Variants in DENND4A observed in about 807,000 individuals in gnomAD.
The protein encoded by DENND4A is DENN domain containing 4A, also known as C-myc promoter-binding protein.
In DENND4A, 70 loss-of-function variants were observed where a neutral mutation model predicts 199.3. The ratio of observed to expected loss-of-function variants is 0.35; its 90% CI spans 0.29 to 0.43. The LOEUF (loss-of-function observed/expected upper bound fraction) is 0.43. Ranked by LOEUF, DENND4A falls within the 20% of genes least tolerant of loss-of-function variation. The pLI is 1.00. For missense variants in DENND4A, 1,723 were observed against 2,255.8 expected, an observed-to-expected ratio of 0.76 and a Z score of 4.78; for synonymous variants, 686 against 766.9, an observed-to-expected ratio of 0.89 and a Z score of 1.74.
intron 16 of DENND4A, 131 bp from the exon 17 acceptor site, chr15:65,702,642 G>A (rs931888190): frequency 2.5e-5 from 23 of 916,236 alleles, no homozygotes; most frequent in African/African-American, 1.4e-4. Flanking sequence ...TAATTAATGC[G>A]TTTTCAAGTT....
intron 24 of DENND4A, 94 bp downstream of exon 24, chr15:65,676,351 A>G (rs1248020414): frequency 9.0e-7 from 1 of 1,116,546 alleles, no homozygotes; most frequent in Non-Finnish European, 1.2e-6. Flanking sequence ...CAAAATTAAA[A>G]AACAACATTA....
At chr15:65,672,284 A>C (rs367948271) in intron 24 of DENND4A, among the ~76,000 whole-genome samples, 1 of 152,286 alleles carries the variant, frequency 6.6e-6, no homozygotes. Context: ...TTTATTTCAA[A>C]TCATGAAAAA....
chr15:65,705,123 A>G (rs2075006518), intron 15 of DENND4A, among the ~76,000 whole-genome samples: 1 of 152,210 alleles, frequency 6.6e-6, no homozygotes, highest in South Asian at 2.1e-4. Flanking sequence ...AAAGTGATAC[A>G]AACATCATCA....
intron 11 of DENND4A, among the ~76,000 whole-genome samples, chr15:65,728,193 G>A (rs1048036616): frequency 6.6e-6 from 1 of 151,988 alleles, no homozygotes; most frequent in African/African-American, 2.4e-5. Context: ...AGTAGAGACA[G>A]GGTTTTACCA....
intron 1 of DENND4A, among the ~76,000 whole-genome samples, chr15:65,777,131 G>A (rs963207776): frequency 1.3e-5 from 2 of 152,070 alleles, no homozygotes; most frequent in Admixed American, 6.5e-5. Context: ...TAGCACCACT[G>A]CACTCCAGCC....
chr15:65,666,032 CA>C (rs1459068435), intron 29 of DENND4A, among the ~76,000 whole-genome samples: 1 of 152,078 alleles, frequency 6.6e-6, no homozygotes, highest in Non-Finnish European at 1.5e-5. Context: ...AACAAAAATC[CA>C]GGGTAAAGGA....
chr15:65,687,008 C>G (rs1222153462), intron 23 of DENND4A, among the ~76,000 whole-genome samples: 1 of 152,170 alleles, frequency 6.6e-6, no homozygotes, highest in South Asian at 2.1e-4. Context: ...TAGCCAAAGT[C>G]TGCCTTTTAA....
At chr15:65,788,035 C>T (rs2077612030) in intron 1 of DENND4A, among the ~76,000 whole-genome samples, 1 of 151,972 alleles carries the variant, frequency 6.6e-6, no homozygotes, top group Non-Finnish European at 1.5e-5. Flanking sequence ...CAAAAATCCA[C>T]ATATGTAAAA....
At chr15:65,725,675 T>G (rs1476824202) in intron 11 of DENND4A, among the ~76,000 whole-genome samples, 1 of 103,190 alleles carries the variant, frequency 9.7e-6, no homozygotes, top group Non-Finnish European at 1.9e-5. Context: ...AGACTCTGTC[T>G]CAAAAAATAA....
At position 65,664,721 on chromosome 15, in the gene DENND4A, G is replaced by A. The variant is rs748588638; in HGVS notation, c.5361C>T (p.Thr1787=). Residue 1787 remains threonine, a splice_region_variant and synonymous_variant, in exon 31 of 33, where the codon ACC becomes ACT. Coordinates refer to ENST00000443035, the MANE Select transcript of DENND4A (RefSeq NM_001320835.1). The part of the protein sequence containing the change: ...QPLYILWNAH[T]QKYPMVHLLQ... ...ATAAATGGACCATTGGATATTTTTG[G>A]GCTGTAAACGAACAAAAGAACAGAT... 3 of 1,607,158 alleles carry A rather than the reference G, an allele frequency of 1.9e-6. No homozygotes were observed. The East Asian group carries it at 6.7e-5, about 36-fold the overall frequency.
intron 30 of DENND4A, 22 bp downstream of exon 30, chr15:65,665,323 A>G: frequency 2.5e-6 from 4 of 1,585,436 alleles, no homozygotes; most frequent in Non-Finnish European, 3.5e-6. Context: ...GAACAAAGTC[A>G]GCATTCTATG....
At chr15:65,683,668 T>C (rs1371492607) in intron 23 of DENND4A, among the ~76,000 whole-genome samples, 1 of 152,234 alleles carries the variant, frequency 6.6e-6, no homozygotes, top group Non-Finnish European at 1.5e-5. Context: ...CTCTTACTTA[T>C]TCTTAGTGAT....
At chr15:65,697,661 T>C (rs1308181699) in intron 20 of DENND4A, among the ~76,000 whole-genome samples, 1 of 152,208 alleles carries the variant, frequency 6.6e-6, no homozygotes, top group African/African-American at 2.4e-5. Context: ...CACTACTATA[T>C]GAGCTCCAAG....
At chr15:65,704,783 G>A (rs913886283) in intron 15 of DENND4A, among the ~76,000 whole-genome samples, 5 of 151,994 alleles carry the variant, frequency 3.3e-5, no homozygotes, top group African/African-American at 1.2e-4. Context: ...CAGAGACAGG[G>A]TTTTCACCAT....
Position 65,746,369 on chromosome 15 carries a change from C to CTTTTTTTTTTTTTTTTTTTTTTTTTT in DENND4A, c.562-4611_562-4586dup, listed in dbSNP as rs573935476. ...CTTGTTAACAATTCTACTTTTTTCT[C>CTTTTTTTTTTTTTTTTTTTTTTTTTT]TTTTTTTTTTTTTTTTTTTTTTTTT... On this transcript the variant is annotated intron_variant, in intron 4 of 32. Transcript: ENST00000443035. 2.0e-4 allele frequency among the ~76,000 whole-genome samples: 10 copies of CTTTTTTTTTTTTTTTTTTTTTTTTTT among 51,272 alleles called. 2 individuals are homozygous for CTTTTTTTTTTTTTTTTTTTTTTTTTT. Among genetic ancestry groups the CTTTTTTTTTTTTTTTTTTTTTTTTTT allele is most frequent in the Non-Finnish European group, 2.5e-4 (7 of 27,578 alleles). The allele number at this position is 51,272 out of a possible 152,430, so 33.6% of individuals were successfully genotyped here. A position where few individuals can be genotyped will look rare whatever the true frequency, so the allele number is the denominator to read the frequency against.
chr15:65,714,370 G>A (rs556012907), intron 14 of DENND4A, among the ~76,000 whole-genome samples: 121 of 150,858 alleles, frequency 8.0e-4, no homozygotes, highest in African/African-American at 2.8e-3. Flanking sequence ...CCAGGATCGC[G>A]CCACTGCACT....
At position 65,737,895 on chromosome 15, in the gene DENND4A, G is replaced by A. The variant is rs1225546405; in HGVS notation, c.852C>T (p.Leu284=). The A allele has an allele frequency of 3.7e-6, 6 of 1,603,022 alleles. No homozygotes were observed. Among genetic ancestry groups the A allele is most frequent in the Non-Finnish European group, 4.3e-6 (5 of 1,174,170 alleles). The change falls in exon 7 of 33, where the codon CTC becomes CTT. Residue 284 remains leucine, a synonymous_variant. Transcript: ENST00000443035. ...CCAAAAGAAGTCTCTGCTTTTCTGT[G>A]AGATTCTCCTCAGAGTATGGTTCAT... ...QFYEPYSEEN[L]TEKQRLLLGL...
intron 22 of DENND4A, among the ~76,000 whole-genome samples, chr15:65,691,978 A>C (rs28475561): frequency 1.1e-5 from 1 of 92,250 alleles, no homozygotes; most frequent in East Asian, 2.1e-4. Flanking sequence ...TTTTTTTTTT[A>C]ATTTGCTAGA....
intron 29 of DENND4A, 131 bp from the exon 30 acceptor site, chr15:65,665,593 T>G (rs1596379631): frequency 1.7e-6 from 1 of 600,826 alleles, no homozygotes; most frequent in Admixed American, 3.3e-5. Context: ...AAAAGACTGA[T>G]TTATCTACAT....
Sources: allele counts gnomAD v4.1 joint callset (sites outside exome capture counted in the v4.1 genomes callset), GRCh38; gene constraint gnomAD v4.1.1; transcripts MANE v1.5; gene names NCBI Gene and HGNC (gene_info 2026-07-23, HGNC 2026-07-21).